The following TAT variants were observed in gnomAD, a reference collection of about 807,000 sequenced individuals.
TAT encodes L-tyrosine:2-oxoglutarate aminotransferase.
TAT carries 35 observed loss-of-function variants against 53.6 expected under a neutral mutation model. That is an observed-to-expected ratio of 0.65 (90% confidence interval 0.50 to 0.87). The LOEUF is 0.87. TAT is among the 40% of genes least tolerant of loss of function. The probability of loss-of-function intolerance (pLI) is 0.00; values close to 1 mark genes in which losing one functional copy is unlikely to be tolerated. For missense variants in TAT, 525 were observed against 571.8 expected (o/e 0.92, Z 0.83); for synonymous variants, 197 against 206.5 (o/e 0.95, Z 0.39).
At position 71,568,015 on chromosome 16, in the gene TAT, A is replaced by G. The variant is rs560115089; in HGVS notation, c.*129T>C. 3 of 1,122,218 alleles carry G rather than the reference A, an allele frequency of 2.7e-6. No individual in the cohort carries two copies. The highest frequency in any genetic ancestry group is 2.4e-5 in the East Asian group (1 of 41,904). 69.5% of individuals were successfully genotyped at this position (1,122,218 alleles called of 1,614,324 possible). A position where few individuals can be genotyped will look rare whatever the true frequency, so the allele number is the denominator to read the frequency against. On this transcript the variant is annotated 3_prime_UTR_variant, in exon 12 of 12. Transcript: ENST00000355962. ...TTGTACTTGGGGAAAAGCAGGAACAATCTTGAACCCTTGACATGGTGCATT... is the reference window on the plus strand; with the variant it reads ...TTGTACTTGGGGAAAAGCAGGAACAGTCTTGAACCCTTGACATGGTGCATT...
intron 4 of TAT, among the ~76,000 whole-genome samples, chr16:71,573,260 T>C (rs2044215328): frequency 6.6e-6 from 1 of 152,228 alleles, no homozygotes; most frequent in African/African-American, 2.4e-5. Context: ...AATGATCTTT[T>C]ACAGACAATC....
At chr16:71,573,674 G>A (rs991433308) in intron 3 of TAT, 68 bp from the exon 4 acceptor site, 52 of 1,383,960 alleles carry the variant, frequency 3.8e-5, no homozygotes, top group Non-Finnish European at 4.8e-5. Context: ...CTGTCACCCG[G>A]ACTTGGAGTG....
Position 71,572,693 on chromosome 16 carries a change from G to GA in TAT, c.409-6dup. 2 of 1,614,200 alleles carry GA rather than the reference G, an allele frequency of 1.2e-6. No homozygotes were observed. The highest frequency in any genetic ancestry group is 8.5e-7 in the Non-Finnish European group (1 of 1,180,032). The stretch of plus-strand genomic sequence containing the variant: ...GCCACTTGTCAGAATGACGTCCTGT[G>GA]AAGGAAATAAAAGGTTAATTTCATT... On this transcript the variant is annotated splice_region_variant and splice_polypyrimidine_tract_variant and intron_variant, in intron 4 of 11. Coordinates refer to ENST00000355962, the MANE Select transcript of TAT (RefSeq NM_000353.3).
rs1434915463 is a variant in TAT at position 71,570,412 on chromosome 16, C to T, written c.913-15G>A. The T allele has an allele frequency of 3.7e-6, 6 of 1,614,158 alleles. No homozygotes were observed. Among genetic ancestry groups the T allele is most frequent in the Non-Finnish European group, 5.1e-6 (6 of 1,180,034 alleles). On this transcript the variant is annotated splice_polypyrimidine_tract_variant and intron_variant, in intron 8 of 11. Coordinates refer to ENST00000355962, the MANE Select transcript of TAT (RefSeq NM_000353.3). ...CCATCTCGGATCTAAAAGACACCCA[C>T]AAGAAACATGTTGTTTAGCTTTTCT...
intron 3 of TAT, among the ~76,000 whole-genome samples, chr16:71,574,567 C>T (rs1442140188): frequency 4.7e-5 from 5 of 107,484 alleles, no homozygotes; most frequent in Non-Finnish European, 7.1e-5. Context: ...GCAACAAGAG[C>T]GAAAACTTCG....
chr16:71,572,128 C>T, intron 6 of TAT, 58 bp downstream of exon 6: 1 of 1,612,482 alleles, frequency 6.2e-7, no homozygotes, highest in Non-Finnish European at 8.5e-7. Flanking sequence ...TGTCATTTCA[C>T]ACAACAGCTG....
Position 71,567,736 on chromosome 16 carries a change from G to GT in TAT, c.*407dup, listed in dbSNP as rs1336144508. 22 of 290,988 alleles carry GT rather than the reference G, an allele frequency of 7.6e-5. No individual in the cohort carries two copies. The highest frequency in any genetic ancestry group is 1.2e-4 in the Non-Finnish European group (18 of 149,990). The allele number at this position is 290,988 out of a possible 1,614,324, so 18.0% of individuals were successfully genotyped here. On this transcript the variant is annotated 3_prime_UTR_variant, in exon 12 of 12. Coordinates refer to ENST00000355962, the MANE Select transcript of TAT (RefSeq NM_000353.3). ...AGCTTCAGACCTGCCTGGAGAGAGC[G>GT]TGTTCTTTCTTAGAGTCTGAGGAAA...
rs2044180572 is a variant in TAT at position 71,568,718 on chromosome 16, G to A, written c.1217C>T (p.Pro406Leu). Residue 406 changes from proline (P) to leucine (L), a missense_variant, in exon 11 of 12, where the codon CCA becomes CTA. Physicochemically the swap from Pro to Leu is moderately conservative, Grantham distance 98. Coordinates refer to ENST00000355962, the MANE Select transcript of TAT (RefSeq NM_000353.3). ...LVAEQSVHCL[P>L]ATCFEYPNFI... ...AGGGACACAGGCACCCACCGTTGCT[G>A]GGAGGCAGTGGACAGACTGCTCAGC... 6.2e-7 allele frequency: 1 copy of A among 1,613,134 alleles called. No homozygotes were observed. Among genetic ancestry groups the A allele is most frequent in the Admixed American group, 1.7e-5 (1 of 59,960 alleles).
Position 71,568,095 on chromosome 16 carries a change from G to C in TAT, c.*49C>G. 6.2e-7 allele frequency: 1 copy of C among 1,613,104 alleles called. No individual in the cohort carries two copies. The highest frequency in any genetic ancestry group is 8.5e-7 in the Non-Finnish European group (1 of 1,179,222). ...AGTCCCTGAGGAGCCGCAAGGCCTAGTCCAGCCTTCCCTAGATGGGACACA... is the reference window on the plus strand; with the variant it reads ...AGTCCCTGAGGAGCCGCAAGGCCTACTCCAGCCTTCCCTAGATGGGACACA... On this transcript the variant is annotated 3_prime_UTR_variant, in exon 12 of 12. Transcript: ENST00000355962.
rs1434915463 is a variant in TAT at position 71,570,412 on chromosome 16, C to G, written c.913-15G>C. The G allele has an allele frequency of 6.2e-6, 10 of 1,614,040 alleles. No individual in the cohort carries two copies. In the South Asian group the frequency reaches 7.7e-5, roughly 12 times the overall value. Reference sequence around the variant, plus strand: ...CCATCTCGGATCTAAAAGACACCCACAAGAAACATGTTGTTTAGCTTTTCT... The same window carrying G: ...CCATCTCGGATCTAAAAGACACCCAGAAGAAACATGTTGTTTAGCTTTTCT... On this transcript the variant is annotated splice_polypyrimidine_tract_variant and intron_variant, in intron 8 of 11. Coordinates refer to ENST00000355962, the MANE Select transcript of TAT (RefSeq NM_000353.3).
intron 3 of TAT, 88 bp downstream of exon 3, chr16:71,575,834 G>T: frequency 7.7e-7 from 1 of 1,300,902 alleles, no homozygotes; most frequent in Non-Finnish European, 1.1e-6. Flanking sequence ...CATCAGGAAA[G>T]TGAAGAGGAT....
rs376656472 is a variant in TAT at position 71,571,662 on chromosome 16, A to C, written c.707-4T>G. 1 of 1,613,974 alleles carries C rather than the reference A, an allele frequency of 6.2e-7. No homozygotes were observed. The highest frequency in any genetic ancestry group is 1.3e-5 in the African/African-American group (1 of 74,944). On this transcript the variant is annotated splice_region_variant and splice_polypyrimidine_tract_variant and intron_variant, in intron 6 of 11. Coordinates refer to ENST00000355962, the MANE Select transcript of TAT (RefSeq NM_000353.3). ...GGGACACACTGCCGTGCAGCCACTGAAAATAAAACATGCTGAAATCAGTTT... is the reference window on the plus strand; with the variant it reads ...GGGACACACTGCCGTGCAGCCACTGCAAATAAAACATGCTGAAATCAGTTT...
rs371474780 is a variant in TAT at position 71,570,373 on chromosome 16, T to C, written c.937A>G (p.Ser313Gly). ...GTACAGGGTCCCAAAATGCGCTGAC[T>C]CAGCTTCACCAGCCCATCTCGGATC... Reference protein sequence around the residue: ...NEIRDGLVKLSQRILGPCTIV... With the variant: ...NEIRDGLVKLGQRILGPCTIV... Residue 313 changes from serine (S) to glycine (G), a missense_variant, in exon 9 of 12, where the codon AGT (serine) becomes GGT (glycine). Transcript: ENST00000355962. The C allele has an allele frequency of 1.9e-6, 3 of 1,614,056 alleles. No homozygotes were observed. The highest frequency in any genetic ancestry group is 1.3e-5 in the African/African-American group (1 of 74,906).
At chr16:71,572,396 G>A in intron 5 of TAT, 72 bp from the exon 6 acceptor site, 1 of 1,607,634 alleles carries the variant, frequency 6.2e-7, no homozygotes, top group Non-Finnish European at 8.5e-7. Flanking sequence ...TATCTCAAGG[G>A]TCCAATGTAA....
At chr16:71,576,549 T>C in intron 1 of TAT, 122 bp from the exon 2 acceptor site, 3 of 815,304 alleles carry the variant, frequency 3.7e-6, no homozygotes, top group Non-Finnish European at 4.0e-6. Context: ...TCTCTCTTTA[T>C]TTTTTTTTCT....
At chr16:71,568,530 G>T in intron 11 of TAT, 181 bp downstream of exon 11, 1 of 700,432 alleles carries the variant, frequency 1.4e-6, no homozygotes, top group East Asian at 2.7e-5. Flanking sequence ...AGTATGGATG[G>T]GATTATGATG....
intron 8 of TAT, 130 bp from the exon 9 acceptor site, chr16:71,570,527 TC>T: frequency 6.3e-7 from 1 of 1,575,276 alleles, no homozygotes. Context: ...CATTCTTAGA[TC>T]AGACCCTCTG....
chr16:71,569,620 C>T (rs1164741478), intron 10 of TAT, among the ~76,000 whole-genome samples: 1 of 152,220 alleles, frequency 6.6e-6, no homozygotes, highest in African/African-American at 2.4e-5. Flanking sequence ...GCATTGCAGG[C>T]GTGAGCCACC....
In TAT at chr16:71,576,167, T is replaced by G. The variant is rs930003814; in HGVS notation, c.235+14A>C. ...GAGGACAATGACAGCCCCTCAGTAG[T>G]GTCCCCAACTCACCAATGGACAGGG... On this transcript the variant is annotated intron_variant, in intron 2 of 11. Coordinates refer to ENST00000355962, the MANE Select transcript of TAT (RefSeq NM_000353.3). 4.3e-6 allele frequency: 7 copies of G among 1,613,210 alleles called. No individual in the cohort carries two copies. The highest frequency in any genetic ancestry group is 5.1e-6 in the Non-Finnish European group (6 of 1,179,442).
Sources: allele counts gnomAD v4.1 joint callset (sites outside exome capture counted in the v4.1 genomes callset), GRCh38; gene constraint gnomAD v4.1.1; transcripts MANE v1.5; gene names NCBI Gene and HGNC (gene_info 2026-07-23, HGNC 2026-07-21).